Variants in ZNF578 observed in about 807,000 individuals in gnomAD.
The protein encoded by ZNF578 is zinc finger protein 578.
In ZNF578, 8 loss-of-function variants were observed where a neutral mutation model predicts 8.3. The ratio of observed to expected loss-of-function variants is 0.96; its 90% CI spans 0.56 to 1.74. The LOEUF (loss-of-function observed/expected upper bound fraction) is 1.74, where lower values mean the gene tolerates loss of function less well. Among genes scored for constraint, ZNF578 ranks in the 40% most tolerant of loss-of-function variants. ZNF578 has a pLI of 0.00. For synonymous variants in ZNF578, 206 were observed against 232.2 expected, an observed-to-expected ratio of 0.89 and a Z score of 1.03; for missense variants, 726 against 707.5, an observed-to-expected ratio of 1.03 and a Z score of -0.30.
Position 52,469,157 on chromosome 19 carries a change from G to GTTTT in ZNF578, c.-122+12205_-122+12208dup, listed in dbSNP as rs1325423361. On this transcript the variant is annotated intron_variant, in intron 2 of 5. Coordinates refer to ENST00000421239, the MANE Select transcript of ZNF578 (RefSeq NM_001099694.2). Reference sequence around the variant, plus strand: ...AATACAGACTTTGGTACCTGGAGTGGTTTTTTTTTGTTTTTTTTTTTTTGA... The same window carrying GTTTT: ...AATACAGACTTTGGTACCTGGAGTGGTTTTTTTTTTTTTGTTTTTTTTTTTTTGA... 1.7e-3 allele frequency among the ~76,000 whole-genome samples: 57 copies of GTTTT among 32,888 alleles called. 1 individual carries two copies. The highest frequency in any genetic ancestry group is 2.3e-3 in the African/African-American group (37 of 16,040). 21.6% of individuals were successfully genotyped at this position (32,888 alleles called of 152,430 possible).
chr19:52,486,767 A>G (rs802587), intron 2 of ZNF578, among the ~76,000 whole-genome samples: 3,943 of 151,490 alleles, frequency 0.026, 121 homozygotes, highest in African/African-American at 0.075. Context: ...CAGAGGAGGC[A>G]CAGAGATGGG....
chr19:52,479,301 C>T (rs1382052738), intron 2 of ZNF578, among the ~76,000 whole-genome samples: 3 of 151,702 alleles, frequency 2.0e-5, no homozygotes, highest in African/African-American at 4.8e-5. Flanking sequence ...TTTGGGAGGC[C>T]GAGGCGGGCA....
intron 3 of ZNF578, among the ~76,000 whole-genome samples, chr19:52,496,522 G>T: frequency 6.8e-6 from 1 of 146,698 alleles, no homozygotes; most frequent in Non-Finnish European, 1.5e-5. Context: ...GTAGAGACGG[G>T]GTGTCACCAT....
chr19:52,463,227 C>G (rs1208758789), intron 2 of ZNF578, among the ~76,000 whole-genome samples: 1 of 152,112 alleles, frequency 6.6e-6, no homozygotes, highest in Non-Finnish European at 1.5e-5. Flanking sequence ...TTTTGGAATT[C>G]CCATGACAGC....
At position 52,459,774 on chromosome 19, in the gene ZNF578, T is replaced by A. The variant is rs1174647190; in HGVS notation, c.-122+2816T>A. 3.0e-4 allele frequency among the ~76,000 whole-genome samples: 18 copies of A among 60,980 alleles called. 1 individual carries two copies. Among genetic ancestry groups the A allele is most frequent in the African/African-American group, 6.9e-4 (10 of 14,476 alleles). 40.0% of individuals were successfully genotyped at this position (60,980 alleles called of 152,430 possible). A position where few individuals can be genotyped will look rare whatever the true frequency, so the allele number is the denominator to read the frequency against. ...GTGTATATATATATATATATATTTT[T>A]TTTTTTTTTTTTTTTTTTTGAGATG... On this transcript the variant is annotated intron_variant, in intron 2 of 5. Coordinates refer to ENST00000421239, the MANE Select transcript of ZNF578 (RefSeq NM_001099694.2).
At position 52,493,587 on chromosome 19, in the gene ZNF578, A is replaced by G. The variant is rs56204255; in HGVS notation, c.-20+2162A>G. ...TGCTAGAGAGTGGGGACAGGGGGGT[A>G]TAACAGGGAAGAGAGAATTTAACAG... On this transcript the variant is annotated intron_variant, in intron 3 of 5. Coordinates refer to ENST00000421239, the MANE Select transcript of ZNF578 (RefSeq NM_001099694.2). 2.6e-3 allele frequency among the ~76,000 whole-genome samples: 402 copies of G among 152,190 alleles called. 1 individual carries two copies. Among genetic ancestry groups the G allele is most frequent in the Middle Eastern group, 0.014 (4 of 294 alleles).
intron 3 of ZNF578, among the ~76,000 whole-genome samples, 194 bp downstream of exon 3, chr19:52,491,619 G>A (rs1328110780): frequency 6.6e-6 from 1 of 152,032 alleles, no homozygotes; most frequent in Non-Finnish European, 1.5e-5. Flanking sequence ...AAAGGCTGAG[G>A]CAGAAGAATA....
At chr19:52,468,748 C>G (rs2059282979) in intron 2 of ZNF578, among the ~76,000 whole-genome samples, 1 of 152,148 alleles carries the variant, frequency 6.6e-6, no homozygotes. Context: ...TAGAACAAAG[C>G]AGGTGGAAGA....
rs1227190711 is a variant in ZNF578 at position 52,516,061 on chromosome 19, GC to G, written c.*3911del. ...TTGCCCTCATCTCATGACTCCCTCTGCCCCAGTCACATTTGCTTTTCTCTTT... is the reference window on the plus strand; with the variant it reads ...TTGCCCTCATCTCATGACTCCCTCTGCCCAGTCACATTTGCTTTTCTCTTT... On this transcript the variant is annotated 3_prime_UTR_variant, in exon 6 of 6. Transcript: ENST00000421239. Among the ~76,000 whole-genome samples the G allele has an allele frequency of 2.0e-5, 3 of 152,042 alleles. No individual in the cohort carries two copies. The highest frequency in any genetic ancestry group is 2.9e-5 in the Non-Finnish European group (2 of 68,028).
chr19:52,510,975 T>A lies in ZNF578; in HGVS notation c.594T>A (p.Cys198Ter). The change falls in exon 6 of 6, where the codon TGT becomes TGA. Residue 198 changes from cysteine (C) to a stop codon, truncating the protein, a stop_gained. Coordinates refer to ENST00000421239, the MANE Select transcript of ZNF578 (RefSeq NM_001099694.2). LOFTEE classifies it low-confidence loss of function (END_TRUNC). ...SSISTSQRISCRPETHTPNNY... is the reference protein window; with the variant it reads ...SSISTSQRIS ...TTTCAACATCCCAAAGAATTTCTTG[T>A]AGGCCTGAAACACATACTCCTAATA... is the stretch of plus-strand genomic sequence containing the variant. 57 of 1,614,212 alleles carry A rather than the reference T, an allele frequency of 3.5e-5. No individual in the cohort carries two copies. Among genetic ancestry groups the A allele is most frequent in the Non-Finnish European group, 4.7e-5 (56 of 1,180,034 alleles).
chr19:52,501,542 G>A (rs2059407351), intron 3 of ZNF578, among the ~76,000 whole-genome samples: 1 of 152,190 alleles, frequency 6.6e-6, no homozygotes, highest in African/African-American at 2.4e-5. Flanking sequence ...GGTTTGATCA[G>A]GGATGGGTCT....
At chr19:52,461,384 TTGAGTC>T (rs1313141155) in intron 2 of ZNF578, among the ~76,000 whole-genome samples, 4 of 152,192 alleles carry the variant, frequency 2.6e-5, no homozygotes, top group Non-Finnish European at 5.9e-5. Flanking sequence ...TTTGGTCTGT[TTGAGTC>T]TGAGAATTCC....
intron 2 of ZNF578, among the ~76,000 whole-genome samples, chr19:52,483,789 C>G (rs1213845271): frequency 6.6e-6 from 1 of 152,168 alleles, no homozygotes; most frequent in Non-Finnish European, 1.5e-5. Flanking sequence ...ATTGCACCCT[C>G]CGACACTGTT....
At chr19:52,463,188 G>T (rs1032273907) in intron 2 of ZNF578, among the ~76,000 whole-genome samples, 1 of 152,170 alleles carries the variant, frequency 6.6e-6, no homozygotes, top group Non-Finnish European at 1.5e-5. Context: ...CTCCACTACA[G>T]TAGCCTGTCC....
At chr19:52,476,019 C>T (rs575506519) in intron 2 of ZNF578, among the ~76,000 whole-genome samples, 4 of 152,002 alleles carry the variant, frequency 2.6e-5, no homozygotes, top group Admixed American at 6.6e-5. Context: ...TAAAACTTTC[C>T]ATTGATAGCG....
chr19:52,499,229 C>T (rs1444095749), intron 3 of ZNF578, among the ~76,000 whole-genome samples: 1 of 151,998 alleles, frequency 6.6e-6, no homozygotes, highest in African/African-American at 2.4e-5. Flanking sequence ...TGTGACTTTT[C>T]TTCTGGGAGA....
At chr19:52,503,746 G>C (rs1164294628) in intron 4 of ZNF578, among the ~76,000 whole-genome samples, 1 of 151,040 alleles carries the variant, frequency 6.6e-6, no homozygotes, top group East Asian at 1.9e-4. Flanking sequence ...CTAAATATCA[G>C]CTCGTATGTT....
intron 2 of ZNF578, among the ~76,000 whole-genome samples, chr19:52,464,108 C>T (rs1432949820): frequency 6.6e-6 from 1 of 152,112 alleles, no homozygotes; most frequent in Non-Finnish European, 1.5e-5. Flanking sequence ...GTTAAAATTG[C>T]CATCTGATCT....
At chr19:52,481,531 T>A (rs2059326397) in intron 2 of ZNF578, among the ~76,000 whole-genome samples, 1 of 152,174 alleles carries the variant, frequency 6.6e-6, no homozygotes, top group Non-Finnish European at 1.5e-5. Context: ...AGATTGAGAA[T>A]TTTAAACTTC....
Sources: gnomAD v4.1 joint callset for allele counts (sites outside exome capture counted in the v4.1 genomes callset) on GRCh38, gnomAD v4.1.1 for gene constraint, MANE v1.5 for transcripts, NCBI Gene and HGNC (gene_info 2026-07-23, HGNC 2026-07-21) for gene names.